Variants in RRBP1 observed in about 807,000 individuals in gnomAD.
The protein encoded by RRBP1 is ribosome-binding protein 1.
In RRBP1, 94 loss-of-function variants were observed where a neutral mutation model predicts 165.2. The observed-to-expected ratio is 0.57, with a 90% CI of 0.48 to 0.68. RRBP1 has a LOEUF of 0.68. Among genes scored for constraint, RRBP1 ranks in the 30% least tolerant of loss-of-function variants. The probability of loss-of-function intolerance (pLI) is 0.00; values close to 1 mark genes in which losing one functional copy is unlikely to be tolerated. For synonymous variants in RRBP1, 680 were observed against 714.5 expected (o/e 0.95, Z 0.77); for missense variants, 1,676 against 1,763.0 (o/e 0.95, Z 0.88).
Position 17,660,100 on chromosome 20 carries a change from G to A in RRBP1, c.408C>T (p.Pro136=). The A allele has an allele frequency of 6.2e-7, 1 of 1,614,076 alleles. No homozygotes were observed. Among genetic ancestry groups the A allele is most frequent in the Admixed American group, 1.7e-5 (1 of 60,018 alleles). Residue 136 remains proline, a synonymous_variant, in exon 3 of 25, where the codon CCC becomes CCT. Transcript: ENST00000377813. The part of the protein sequence containing the change: ...AMPQEKLASS[P]KDKKKKEKKV... ...TTTTCTCCTTCTTCTTTTTGTCCTT[G>A]GGGGAGGAGGCCAGCTTCTCCTGGG...
chr20:17,658,914 T>C lies in RRBP1; in HGVS notation c.1594A>G (p.Arg532Gly), dbSNP rs746193881. The C allele has an allele frequency of 1.2e-6, 2 of 1,613,122 alleles. No homozygotes were observed. Among genetic ancestry groups the C allele is most frequent in the South Asian group, 1.1e-5 (1 of 91,078 alleles). ...CCTTTTTTGCCTTGGTTGGGACTCCTTTCTGCCTTTTTGCCCTGAGCCCCT... is the reference window on the plus strand; with the variant it reads ...CCTTTTTTGCCTTGGTTGGGACTCCCTTCTGCCTTTTTGCCCTGAGCCCCT... ...TEGAQGKKAE[R>G]SPNQGKKGEG... Residue 532 changes from arginine to glycine, a missense_variant, in exon 3 of 25, where the codon AGG (arginine) becomes GGG (glycine). Physicochemically the swap from Arg to Gly is moderately radical, Grantham distance 125 (BLOSUM62 -2). This residue lies in a region of RRBP1 where 1,184 missense variants were observed against 1,167.1 expected (regional missense o/e 1.01). Coordinates refer to ENST00000377813, the MANE Select transcript of RRBP1 (RefSeq NM_001365613.2).
At position 17,641,800 on chromosome 20, in the gene RRBP1, G is replaced by A; in HGVS notation, c.2181C>T (p.Asn727=). ...TCCGAGCCCACTCAGGCTGTACCTT[G>A]TTGAGCTCCCTCAGTTTGCTCTTGG... ...AVAKSKLREL[N]KEMAAEKAKA... Residue 727 remains asparagine (N), a synonymous_variant, in exon 5 of 25, where the codon AAC becomes AAT. Transcript: ENST00000377813. 3.7e-6 allele frequency: 6 copies of A among 1,612,958 alleles called. No homozygotes were observed. The highest frequency in any genetic ancestry group is 4.2e-6 in the Non-Finnish European group (5 of 1,179,960).
intron 2 of RRBP1, among the ~76,000 whole-genome samples, chr20:17,665,331 A>C (rs1484275067): frequency 6.6e-6 from 1 of 152,064 alleles, no homozygotes; most frequent in African/African-American, 2.4e-5. Context: ...TTTTGACTAA[A>C]CTTTGTGAGA....
chr20:17,645,703 G>A (rs1207635053), intron 3 of RRBP1, among the ~76,000 whole-genome samples: 1 of 152,248 alleles, frequency 6.6e-6, no homozygotes, highest in Non-Finnish European at 1.5e-5. Flanking sequence ...GGAGCCTAAG[G>A]CGTGCCCAGC....
intron 3 of RRBP1, among the ~76,000 whole-genome samples, chr20:17,656,246 C>T (rs995829605): frequency 6.6e-6 from 1 of 152,178 alleles, no homozygotes; most frequent in Non-Finnish European, 1.5e-5. Flanking sequence ...AACCACCTTG[C>T]GGGCGGCATG....
Position 17,641,845 on chromosome 20 carries a change from T to C in RRBP1, c.2136A>G (p.Glu712=), listed in dbSNP as rs2122361504. The C allele has an allele frequency of 6.2e-7, 1 of 1,614,032 alleles. No individual in the cohort carries two copies. The highest frequency in any genetic ancestry group is 2.2e-5 in the East Asian group (1 of 44,886). ...TCTTGGCGACAGCCGCATCTTCCTG[T>C]TCTGTGGCCAGCAGTTTTTCCTTCT... ...LEEKEKLLAT[E]QEDAAVAKSK... Residue 712 remains glutamate (E), a synonymous_variant, in exon 5 of 25, where the codon GAA becomes GAG. Transcript: ENST00000377813.
At chr20:17,641,025 G>A (rs76419926) in intron 5 of RRBP1, among the ~76,000 whole-genome samples, 1 of 152,170 alleles carries the variant, frequency 6.6e-6, no homozygotes, top group African/African-American at 2.4e-5. Context: ...GGGCAAAGAC[G>A]GCTTTCAACA....
intron 7 of RRBP1, among the ~76,000 whole-genome samples, chr20:17,635,294 G>A (rs2050812958): frequency 2.6e-5 from 4 of 152,208 alleles, no homozygotes; most frequent in African/African-American, 9.6e-5. Context: ...TGAAGCAAGG[G>A]TGTTGCAGAG....
chr20:17,636,833 G>T (rs368272122), intron 5 of RRBP1, 104 bp from the exon 6 acceptor site: 2 of 1,399,238 alleles, frequency 1.4e-6, no homozygotes, highest in African/African-American at 1.4e-5. Flanking sequence ...GGAGAGCAGA[G>T]CACAGACCCC....
rs116992954 is a variant in RRBP1 at position 17,634,718 on chromosome 20, T to C, written c.2456+828A>G. ...CAGAGAATTTCTCAGTCCCCACATA[T>C]GCCTTCTGCTGTGGCTTTTGGGGAA... is the stretch of plus-strand genomic sequence containing the variant. On this transcript the variant is annotated intron_variant, in intron 7 of 24. Coordinates refer to ENST00000377813, the MANE Select transcript of RRBP1 (RefSeq NM_001365613.2). Among the ~76,000 whole-genome samples, 3 of 152,320 alleles carry C rather than the reference T, an allele frequency of 2.0e-5. No homozygotes were observed. In the East Asian group the frequency reaches 5.8e-4, roughly 29 times the overall value.
chr20:17,629,538 G>A (rs761281507), intron 9 of RRBP1, among the ~76,000 whole-genome samples: 4 of 151,890 alleles, frequency 2.6e-5, no homozygotes, highest in Admixed American at 6.6e-5. Context: ...CATGCACCAG[G>A]CCCTCACAGG....
chr20:17,634,273 C>G (rs551450455), intron 7 of RRBP1, among the ~76,000 whole-genome samples: 3 of 152,346 alleles, frequency 2.0e-5, no homozygotes, highest in South Asian at 4.1e-4. Flanking sequence ...CCAAGGGACA[C>G]CACCAGACGA....
chr20:17,615,758 A>G (rs1251751910), intron 22 of RRBP1, among the ~76,000 whole-genome samples, 168 bp downstream of exon 22: 1 of 152,182 alleles, frequency 6.6e-6, no homozygotes, highest in Non-Finnish European at 1.5e-5. Context: ...AGGTGCCTCC[A>G]GCCTGTGCTC....
chr20:17,648,657 T>C (rs1457002175), intron 3 of RRBP1, among the ~76,000 whole-genome samples: 1 of 152,264 alleles, frequency 6.6e-6, no homozygotes, highest in African/African-American at 2.4e-5. Context: ...GGGACTGGTA[T>C]ATTTAATGGT....
Position 17,658,757 on chromosome 20 carries a change from G to C in RRBP1, c.1751C>G (p.Pro584Arg). ...TGCGTCTGCCTTTTTGCCTTGGTTGGGGGACCCTTCTGCCTTTTTGCCTTC... is the reference window on the plus strand; with the variant it reads ...TGCGTCTGCCTTTTTGCCTTGGTTGCGGGACCCTTCTGCCTTTTTGCCTTC... ...PSEGKKAEGS[P>R]NQGKKADAAA... Residue 584 changes from proline to arginine, a missense_variant, in exon 3 of 25, where the codon CCC (proline) becomes CGC (arginine). By Grantham distance (103) the Pro-to-Arg change is moderately radical (BLOSUM62 -2). This residue lies in a region of RRBP1 where 1,184 missense variants were observed against 1,167.1 expected (regional missense o/e 1.01). Transcript: ENST00000377813. The C allele has an allele frequency of 6.2e-7, 1 of 1,612,092 alleles. No individual in the cohort carries two copies. Among genetic ancestry groups the C allele is most frequent in the Non-Finnish European group, 8.5e-7 (1 of 1,178,278 alleles).
intron 1 of RRBP1, among the ~76,000 whole-genome samples, chr20:17,681,291 C>T (rs1288216530): frequency 6.7e-6 from 1 of 148,522 alleles, no homozygotes; most frequent in Non-Finnish European, 1.5e-5. Context: ...AACGGTGGCC[C>T]CGGCCCCGCC....
chr20:17,643,157 T>A lies in RRBP1; in HGVS notation c.1913-30A>T. 6.2e-7 allele frequency: 1 copy of A among 1,608,948 alleles called. No individual in the cohort carries two copies. The highest frequency in any genetic ancestry group is 8.5e-7 in the Non-Finnish European group (1 of 1,178,118). On this transcript the variant is annotated intron_variant, in intron 3 of 24. Coordinates refer to ENST00000377813, the MANE Select transcript of RRBP1 (RefSeq NM_001365613.2). The surrounding 1 kb of genome is among the most constrained non-coding windows in gnomAD (Gnocchi z 4.3). ...GCAGCAAGAGGGAAAGAGCTGAGAC[T>A]TAGGCCCATAAGCCACAACACACGT...
chr20:17,668,334 T>C (rs1568788656), intron 2 of RRBP1, among the ~76,000 whole-genome samples: 3 of 152,262 alleles, frequency 2.0e-5, no homozygotes, highest in Non-Finnish European at 2.9e-5. Flanking sequence ...GTTATTCGAT[T>C]TGTTTTTTAA....
intron 3 of RRBP1, among the ~76,000 whole-genome samples, chr20:17,644,278 C>T (rs1402001424): frequency 6.6e-6 from 1 of 152,156 alleles, no homozygotes; most frequent in East Asian, 1.9e-4. Context: ...CATGTTGACA[C>T]CAAAGGCCTA....
Sources: allele counts gnomAD v4.1 joint callset (sites outside exome capture counted in the v4.1 genomes callset), GRCh38; gene constraint gnomAD v4.1.1; regional missense constraint gnomAD v4.1.1; non-coding constraint Gnocchi (gnomAD v3.1); transcripts MANE v1.5; gene names NCBI Gene and HGNC (gene_info 2026-07-23, HGNC 2026-07-21).